The following KDM2B variants were observed in gnomAD, a reference collection of about 807,000 sequenced individuals.
KDM2B encodes the protein lysine-specific demethylase 2B.
KDM2B carries 26 observed loss-of-function variants against 150.0 expected under a neutral mutation model. The ratio of observed to expected loss-of-function variants is 0.17; its 90% CI spans 0.13 to 0.24. KDM2B has a LOEUF of 0.24. Ranked by LOEUF, KDM2B falls within the 10% of genes least tolerant of loss-of-function variation. KDM2B has a pLI of 1.00. For missense variants in KDM2B, 1,265 were observed against 1,816.9 expected (o/e 0.70, Z 5.52); for synonymous variants, 734 against 729.5 (o/e 1.01, Z -0.10).
the KDM2B span, among the ~76,000 whole-genome samples, chr12:121,413,520 T>TCCTG: frequency 6.0e-5 from 9 of 149,538 alleles, 1 homozygote; most frequent in East Asian, 1.8e-3. Context: ...CAAGCGATTC[T>TCCTG]CCTGCCTCAG....
intron 12 of KDM2B, among the ~76,000 whole-genome samples, chr12:121,474,323 T>C (rs547953060): frequency 2.1e-4 from 32 of 151,824 alleles, no homozygotes; most frequent in Admixed American, 2.0e-3. Flanking sequence ...ACCATCCTGG[T>C]GAACACTGTG....
rs1877674232 is a variant in KDM2B, at chr12:121,453,404, G to A, written c.1735-60C>T. On this transcript the variant is annotated intron_variant, in intron 12 of 22. Transcript: ENST00000377071. This position sits in a 1 kb window ranked among gnomAD's most constrained non-coding sequence, Gnocchi z 6.4. The stretch of plus-strand genomic sequence containing the variant: ...AGACTGCAGGCACGGCCAGACCCCC[G>A]GAAAGGGTGTTAGGGAGCAAACTGT... 2 of 1,376,768 alleles carry A rather than the reference G, an allele frequency of 1.5e-6. No individual in the cohort carries two copies. Among genetic ancestry groups the A allele is most frequent in the Non-Finnish European group, 2.0e-6 (2 of 1,011,390 alleles). 85.3% of individuals were successfully genotyped at this position (1,376,768 alleles called of 1,614,324 possible).
intron 4 of KDM2B, among the ~76,000 whole-genome samples, chr12:121,570,921 G>A (rs1262271578): frequency 6.6e-6 from 1 of 152,154 alleles, no homozygotes; most frequent in Admixed American, 6.6e-5. Flanking sequence ...CAACCAAAAT[G>A]TCCATCAACA....
intron 4 of KDM2B, among the ~76,000 whole-genome samples, chr12:121,559,593 A>G (rs1250403603): frequency 6.6e-6 from 1 of 152,020 alleles, no homozygotes; most frequent in Non-Finnish European, 1.5e-5. Context: ...CAGAGAGTGA[A>G]AGAGACTTAA....
At chr12:121,473,794 C>A (rs1160122253) in intron 12 of KDM2B, among the ~76,000 whole-genome samples, 6 of 151,280 alleles carry the variant, frequency 4.0e-5, no homozygotes, top group African/African-American at 1.5e-4. Flanking sequence ...CTGTTCATAG[C>A]AGTTTTATTC....
At chr12:121,427,268 T>C (rs1593687331), downstream of KDM2B, among the ~76,000 whole-genome samples, 1 of 152,274 alleles carries the variant, frequency 6.6e-6, no homozygotes, top group Admixed American at 6.5e-5. Flanking sequence ...CTGGGGACGG[T>C]GGCTCATCCC....
At chr12:121,524,129 A>G (rs1886927880) in intron 8 of KDM2B, among the ~76,000 whole-genome samples, 1 of 152,120 alleles carries the variant, frequency 6.6e-6, no homozygotes, top group African/African-American at 2.4e-5. Context: ...TGCATCTTAT[A>G]TGGCCCCACA....
At chr12:121,459,959 C>T (rs993085940) in intron 12 of KDM2B, among the ~76,000 whole-genome samples, 5 of 151,954 alleles carry the variant, frequency 3.3e-5, no homozygotes, top group African/African-American at 1.2e-4. Flanking sequence ...CAAAGAACTC[C>T]GACAACTCAA....
intron 22 of KDM2B, among the ~76,000 whole-genome samples, chr12:121,434,879 C>A (rs1555286389): frequency 6.6e-6 from 1 of 152,158 alleles, no homozygotes; most frequent in Non-Finnish European, 1.5e-5. Flanking sequence ...ATCACATGAA[C>A]CCAGGAGGCG....
chr12:121,510,128 T>C, intron 10 of KDM2B, 89 bp from the exon 11 acceptor site: 1 of 1,125,820 alleles, frequency 8.9e-7, no homozygotes, highest in Non-Finnish European at 1.3e-6. Flanking sequence ...AAGTCCCCTT[T>C]ACTCCAGAGA....
chr12:121,572,339 C>T (rs1321458749), intron 4 of KDM2B, among the ~76,000 whole-genome samples: 1 of 152,258 alleles, frequency 6.6e-6, no homozygotes, highest in Non-Finnish European at 1.5e-5. Flanking sequence ...AAATTCCCTA[C>T]AGGAACCTGG....
At chr12:121,554,033 C>CACA (rs1889709619) in intron 4 of KDM2B, among the ~76,000 whole-genome samples, 6 of 122,064 alleles carry the variant, frequency 4.9e-5, no homozygotes, top group Admixed American at 9.0e-5. Context: ...CACCCCAGCT[C>CACA]CACACACACA....
At position 121,467,074 on chromosome 12, in the gene KDM2B, T is replaced by A; in HGVS notation, c.1735-13730A>T. On this transcript the variant is annotated intron_variant, in intron 12 of 22. Transcript: ENST00000377071. The surrounding 1 kb of genome is among the most constrained non-coding windows in gnomAD (Gnocchi z 5.1). ...TCTCCTCATCGCGGCGGCGGCGGCG[T>A]CGCGGCCGCCCTCGGCGCGTCAGAC... The A allele has an allele frequency of 1.3e-6, 1 of 764,906 alleles. No homozygotes were observed. Among genetic ancestry groups the A allele is most frequent in the African/African-American group, 1.9e-5 (1 of 51,346 alleles). 47.4% of individuals were successfully genotyped at this position (764,906 alleles called of 1,614,324 possible).
the KDM2B span, among the ~76,000 whole-genome samples, chr12:121,421,327 A>G: frequency 1.5e-5 from 2 of 137,066 alleles, no homozygotes; most frequent in East Asian, 4.8e-4. Context: ...ACTTGAGCCC[A>G]GGAGTTTGAG....
At chr12:121,550,009 C>G (rs1889362370) in intron 4 of KDM2B, among the ~76,000 whole-genome samples, 1 of 151,954 alleles carries the variant, frequency 6.6e-6, no homozygotes, top group African/African-American at 2.4e-5. Context: ...AACCCTGTAT[C>G]TACTAAAAAT....
chr12:121,535,236 A>C lies in KDM2B; in HGVS notation c.684-646T>G, dbSNP rs149211489. Among the ~76,000 whole-genome samples, 1,241 of 152,184 alleles carry C rather than the reference A, an allele frequency of 8.2e-3. 18 individuals are homozygous for C. The highest frequency in any genetic ancestry group is 0.028 in the African/African-American group (1,146 of 41,544). ...AAAAAAAAAAAAACCCACACACACA[A>C]AAAACAAAAAAACAAAACTGCAATT... On this transcript the variant is annotated intron_variant, in intron 6 of 22. Transcript: ENST00000377071.
chr12:121,459,084 CAAAAAAAA>C (rs60165748), intron 12 of KDM2B, among the ~76,000 whole-genome samples: 1 of 102,438 alleles, frequency 9.8e-6, no homozygotes, highest in African/African-American at 3.6e-5. Flanking sequence ...GACTCTGCCT[CAAAAAAAA>C]AAAAAAAAAA....
chr12:121,447,934 G>A (rs1218259963), intron 13 of KDM2B, among the ~76,000 whole-genome samples: 2 of 151,982 alleles, frequency 1.3e-5, no homozygotes, highest in Non-Finnish European at 2.9e-5. Flanking sequence ...TGTGATTGCA[G>A]GCATTAGCCA....
intron 10 of KDM2B, among the ~76,000 whole-genome samples, chr12:121,511,624 C>T (rs1196944194): frequency 6.6e-6 from 1 of 152,196 alleles, no homozygotes; most frequent in Non-Finnish European, 1.5e-5. Flanking sequence ...TGCCCGGCCC[C>T]GGGTTTCTTT....
Sources: allele counts gnomAD v4.1 joint callset (sites outside exome capture counted in the v4.1 genomes callset), GRCh38; gene constraint gnomAD v4.1.1; non-coding constraint Gnocchi (gnomAD v3.1); transcripts MANE v1.5; gene names NCBI Gene and HGNC (gene_info 2026-07-23, HGNC 2026-07-21).